The following BEST4 variants were observed in gnomAD, a reference collection of about 807,000 sequenced individuals.
BEST4 encodes bestrophin-4.
BEST4 carries 36 observed loss-of-function variants against 47.1 expected under a neutral mutation model. The observed-to-expected ratio is 0.76, with a 90% CI of 0.59 to 1.01. BEST4 has a LOEUF of 1.01. Among genes scored for constraint, BEST4 ranks in the 50% least tolerant of loss-of-function variants. The pLI, the probability that BEST4 is intolerant of heterozygous loss-of-function variation, is 0.00. For synonymous variants in BEST4, 250 were observed against 277.8 expected (o/e 0.90, Z 1.00); for missense variants, 550 against 648.6 (o/e 0.85, Z 1.65).
At chr1:44,785,893 G>A (rs978569255) in intron 4 of BEST4, among the ~76,000 whole-genome samples, 181 bp downstream of exon 4, 5 of 152,214 alleles carry the variant, frequency 3.3e-5, no homozygotes, top group Non-Finnish European at 4.4e-5. Context: ...TCTGTGCAAG[G>A]AGGATGATAG....
rs1200630722 is a variant in BEST4, at chr1:44,786,035, G to A, written c.636+39C>T. 2 of 1,547,204 alleles carry A rather than the reference G, an allele frequency of 1.3e-6. No individual in the cohort carries two copies. Among genetic ancestry groups the A allele is most frequent in the Non-Finnish European group, 1.7e-6 (2 of 1,149,424 alleles). On this transcript the variant is annotated intron_variant, in intron 4 of 8. Coordinates refer to ENST00000372207, the MANE Select transcript of BEST4 (RefSeq NM_153274.3). This position sits in a 1 kb window ranked among gnomAD's most constrained non-coding sequence, Gnocchi z 4.9. ...ATTATTATTCATCTTTAAAATTAGA[G>A]GGAGGAGGGCAGATGGGTCTGGTCC...
At position 44,784,332 on chromosome 1, in the gene BEST4, G is replaced by C; in HGVS notation, c.1300C>G (p.Arg434Gly). 2.2e-6 allele frequency: 3 copies of C among 1,392,976 alleles called. No individual in the cohort carries two copies. Among genetic ancestry groups the C allele is most frequent in the Non-Finnish European group, 2.8e-6 (3 of 1,083,332 alleles). 86.3% of individuals were successfully genotyped at this position (1,392,976 alleles called of 1,614,324 possible). A position where few individuals can be genotyped will look rare whatever the true frequency, so the allele number is the denominator to read the frequency against. Residue 434 changes from arginine to glycine, a missense_variant, in exon 9 of 9, where the codon CGA becomes GGA. Transcript: ENST00000372207. This position sits in a 1 kb window ranked among gnomAD's most constrained non-coding sequence, Gnocchi z 6.2. ...AGATGCGGGGGGCGGGGGGTGCCTC[G>C]CACGCGGCCGAAGTTCCGGAGGCTG... ...AISLRNFGRV[R>G]GTPRPPHLLR...
chr1:44,784,110 A>AGAAGCATTTCTT lies in BEST4; in HGVS notation c.*99_*100insAAGAAATGCTTC. On this transcript the variant is annotated 3_prime_UTR_variant, in exon 9 of 9. Coordinates refer to ENST00000372207, the MANE Select transcript of BEST4 (RefSeq NM_153274.3). The surrounding 1 kb of genome is among the most constrained non-coding windows in gnomAD (Gnocchi z 6.2). ...CCCTAAATGCTCTGGCCTTCAAGGC[A>AGAAGCATTTCTT]CACAGGAAAAGCTGCTCTAATAGAG... is the stretch of plus-strand genomic sequence containing the variant. 8.5e-7 allele frequency: 1 copy of AGAAGCATTTCTT among 1,170,532 alleles called. No homozygotes were observed. Among genetic ancestry groups the AGAAGCATTTCTT allele is most frequent in the Admixed American group, 4.1e-5 (1 of 24,290 alleles). 72.5% of individuals were successfully genotyped at this position (1,170,532 alleles called of 1,614,324 possible). A position where few individuals can be genotyped will look rare whatever the true frequency, so the allele number is the denominator to read the frequency against.
chr1:44,791,991 C>G (rs1651422704), upstream of BEST4, among the ~76,000 whole-genome samples: 1 of 152,124 alleles, frequency 6.6e-6, no homozygotes. Flanking sequence ...GCCTGTAATC[C>G]CAGCACTTTG....
In BEST4 at chr1:44,786,648, C is replaced by G. The variant is rs1283035360; in HGVS notation, c.296G>C (p.Ser99Thr). Residue 99 changes from serine to threonine, a missense_variant, in exon 3 of 9, where the codon AGC becomes ACC. By Grantham distance (58) the Ser-to-Thr change is moderately conservative. Around this residue, in one of 3 missense-constraint regions of BEST4, gnomAD observed 291 missense variants for 342.4 expected, o/e 0.85. Coordinates refer to ENST00000372207, the MANE Select transcript of BEST4 (RefSeq NM_153274.3). The surrounding 1 kb of genome is among the most constrained non-coding windows in gnomAD (Gnocchi z 4.9). ...VVNRWWSQYT[S>T]IPLPDQLMCV... ...CATCAGCTGGTCTGGCAGCGGGATG[C>G]TTGTGTACTGGGACCACCAGCGGTT... is the stretch of plus-strand genomic sequence containing the variant. 1 of 1,551,666 alleles carries G rather than the reference C, an allele frequency of 6.4e-7. No individual in the cohort carries two copies. Among genetic ancestry groups the G allele is most frequent in the Non-Finnish European group, 8.7e-7 (1 of 1,146,982 alleles).
In BEST4 at chr1:44,785,623, G is replaced by T. The variant is rs1221177701; in HGVS notation, c.690C>A (p.Ile230=). Residue 230 remains isoleucine (I), a synonymous_variant, in exon 5 of 9, where the codon ATC becomes ATA. Coordinates refer to ENST00000372207, the MANE Select transcript of BEST4 (RefSeq NM_153274.3). The stretch of plus-strand genomic sequence containing the variant: ...CTTGGGTGTAGACGAGGGGGATGCT[G>T]ATCCAGTCATAGTGGAATAGCATGC... ...KCSMLFHYDW[I]SIPLVYTQVV... is the part of the protein sequence containing the mutation. 13 of 1,537,458 alleles carry T rather than the reference G, an allele frequency of 8.5e-6. No individual in the cohort carries two copies. Among genetic ancestry groups the T allele is most frequent in the Non-Finnish European group, 1.1e-5 (12 of 1,141,430 alleles).
In BEST4 at chr1:44,784,646, G is replaced by T; in HGVS notation, c.1131C>A (p.Gly377=). The part of the protein sequence containing the change: ...AAESLRPSFL[G]STFNLRMSDD... ...CCACTCACCGCAGGTTGAAGGTGGA[G>T]CCCAGGAATGAGGGCCGCAGAGACT... The change falls in exon 8 of 9, where the codon GGC becomes GGA. Residue 377 remains glycine, a synonymous_variant. Coordinates refer to ENST00000372207, the MANE Select transcript of BEST4 (RefSeq NM_153274.3). This position sits in a 1 kb window ranked among gnomAD's most constrained non-coding sequence, Gnocchi z 6.2. 1 of 1,613,418 alleles carries T rather than the reference G, an allele frequency of 6.2e-7. No individual in the cohort carries two copies.
At chr1:44,782,354 G>A (rs947662830), downstream of BEST4, among the ~76,000 whole-genome samples, 5 of 151,424 alleles carry the variant, frequency 3.3e-5, no homozygotes, top group African/African-American at 7.3e-5. Context: ...TTGGCTAGAC[G>A]CGGTGGCTTA....
At chr1:44,782,650 AAAT>A (rs1651075612), downstream of BEST4, among the ~76,000 whole-genome samples, 1 of 129,058 alleles carries the variant, frequency 7.7e-6, no homozygotes. Context: ...ATAAATAAAT[AAAT>A]AAATAAATAA....
chr1:44,782,734 T>A (rs142196832), downstream of BEST4, among the ~76,000 whole-genome samples: 39 of 152,156 alleles, frequency 2.6e-4, no homozygotes, highest in Non-Finnish European at 5.1e-4. Context: ...TAGAATCCAG[T>A]CAACTGACCC....
chr1:44,785,534 C>T (rs758354280), intron 5 of BEST4, 65 bp downstream of exon 5: 1 of 1,437,188 alleles, frequency 7.0e-7, no homozygotes, highest in Non-Finnish European at 9.5e-7. Context: ...GCTAATTCTT[C>T]TCATCTCACA....
chr1:44,788,360 C>T (rs962386626), upstream of BEST4, among the ~76,000 whole-genome samples: 2 of 152,180 alleles, frequency 1.3e-5, no homozygotes, highest in African/African-American at 4.8e-5. Context: ...ATACTGACCC[C>T]ACAGCTCACA....
rs1651158374 is a variant in BEST4 at position 44,784,734 on chromosome 1, T to C, written c.1043A>G (p.Glu348Gly). ...DEMYQNLPPA[E>G]KDQYWDEDQP... ...GTCCTCATCCCAGTACTGGTCCTTC[T>C]CAGCGGGGGGAAGGTTCTGGTACAT... Residue 348 changes from glutamate (E) to glycine (G), a missense_variant, in exon 8 of 9, where the codon GAG (glutamate) becomes GGG (glycine). By Grantham distance (98) the Glu-to-Gly change is moderately conservative. Coordinates refer to ENST00000372207, the MANE Select transcript of BEST4 (RefSeq NM_153274.3). The surrounding 1 kb of genome is among the most constrained non-coding windows in gnomAD (Gnocchi z 6.2). The C allele has an allele frequency of 6.2e-7, 1 of 1,604,340 alleles. No homozygotes were observed. The highest frequency in any genetic ancestry group is 8.5e-7 in the Non-Finnish European group (1 of 1,174,892).
chr1:44,787,236 C>T lies in BEST4; in HGVS notation c.247+136G>A, dbSNP rs981839787. ...GCTCAAGCGATCCTCTCACCTCAGCCTCTCGAGTAGCTGAGACTGCAGGTG... is the reference window on the plus strand; with the variant it reads ...GCTCAAGCGATCCTCTCACCTCAGCTTCTCGAGTAGCTGAGACTGCAGGTG... On this transcript the variant is annotated intron_variant, in intron 2 of 8. Coordinates refer to ENST00000372207, the MANE Select transcript of BEST4 (RefSeq NM_153274.3). 5.1e-5 allele frequency: 42 copies of T among 824,966 alleles called. No individual in the cohort carries two copies. In the African/African-American group the frequency reaches 5.7e-4, roughly 11 times the overall value. 51.1% of individuals were successfully genotyped at this position (824,966 alleles called of 1,614,324 possible). A position where few individuals can be genotyped will look rare whatever the true frequency, so the allele number is the denominator to read the frequency against.
chr1:44,786,716 G>C lies in BEST4; in HGVS notation c.248-20C>G. The C allele has an allele frequency of 6.5e-7, 1 of 1,535,400 alleles. No homozygotes were observed. Among genetic ancestry groups the C allele is most frequent in the Non-Finnish European group, 8.8e-7 (1 of 1,134,380 alleles). On this transcript the variant is annotated intron_variant, in intron 2 of 8. Coordinates refer to ENST00000372207, the MANE Select transcript of BEST4 (RefSeq NM_153274.3). This position sits in a 1 kb window ranked among gnomAD's most constrained non-coding sequence, Gnocchi z 4.9. ...AGAAACCTGCTTGGCCGCCGTGATA[G>C]AGGGAGTAGGAAGGGAGAGTGGAGA...
At chr1:44,789,253 A>G (rs1037633946), upstream of BEST4, among the ~76,000 whole-genome samples, 2 of 145,174 alleles carry the variant, frequency 1.4e-5, no homozygotes, top group Non-Finnish European at 1.5e-5. Context: ...AAAAAAAAAA[A>G]AAAAAGAAAA....
In BEST4 at chr1:44,784,519, G is replaced by A. The variant is rs112195869; in HGVS notation, c.1149-36C>T. 6.7e-7 allele frequency: 1 copy of A among 1,495,008 alleles called. No homozygotes were observed. Among genetic ancestry groups the A allele is most frequent in the African/African-American group, 1.4e-5 (1 of 71,912 alleles). 92.6% of individuals were successfully genotyped at this position (1,495,008 alleles called of 1,614,324 possible). A position where few individuals can be genotyped will look rare whatever the true frequency, so the allele number is the denominator to read the frequency against. On this transcript the variant is annotated intron_variant, in intron 8 of 8. Transcript: ENST00000372207. This position sits in a 1 kb window ranked among gnomAD's most constrained non-coding sequence, Gnocchi z 6.2. ...GAGGGCGGGCTGAGCCGGGGCACAG[G>A]GCGGGAGCGGGGACGCGGGATCGGC...
chr1:44,787,275 T>C (rs1651276759), intron 2 of BEST4, 97 bp downstream of exon 2: 1 of 1,142,800 alleles, frequency 8.8e-7, no homozygotes, highest in Non-Finnish European at 1.3e-6. Flanking sequence ...CACCACACCA[T>C]CTGTTGGGTA....
Position 44,783,596 on chromosome 1 carries a change from C to T in BEST4, c.*614G>A, listed in dbSNP as rs1480545518. ...AAACTAAACAACACTTAAACAAAAA[C>T]TTGAATATATTCTCAATGTAAACAA... On this transcript the variant is annotated 3_prime_UTR_variant, in exon 9 of 9. Transcript: ENST00000372207. 1 of 152,142 alleles carries T rather than the reference C, an allele frequency of 6.6e-6. No individual in the cohort carries two copies. Among genetic ancestry groups the T allele is most frequent in the Admixed American group, 6.6e-5 (1 of 15,266 alleles). 9.4% of individuals were successfully genotyped at this position (152,142 alleles called of 1,614,324 possible). A position where few individuals can be genotyped will look rare whatever the true frequency, so the allele number is the denominator to read the frequency against.
Sources: allele counts gnomAD v4.1 joint callset (sites outside exome capture counted in the v4.1 genomes callset), GRCh38; gene constraint gnomAD v4.1.1; regional missense constraint gnomAD v4.1.1; non-coding constraint Gnocchi (gnomAD v3.1); transcripts MANE v1.5; gene names NCBI Gene and HGNC (gene_info 2026-07-23, HGNC 2026-07-21).